The following KDM4B variants were observed in gnomAD, a reference collection of about 807,000 sequenced individuals.
KDM4B encodes the protein lysine demethylase 4B.
Under a neutral mutation model 125.2 loss-of-function variants are expected in KDM4B, and 32 were observed. That is an observed-to-expected ratio of 0.26 (90% CI 0.19 to 0.34). The LOEUF is 0.34. KDM4B is among the 10% of genes least tolerant of loss of function. The probability of loss-of-function intolerance (pLI) is 1.00; values close to 1 mark genes in which losing one functional copy is unlikely to be tolerated. For synonymous variants in KDM4B, 721 were observed against 677.9 expected (o/e 1.06, Z -0.99); for missense variants, 1,190 against 1,577.7 (o/e 0.75, Z 4.16).
chr19:5,029,915 C>G (rs1320886329), intron 2 of KDM4B, among the ~76,000 whole-genome samples: 1 of 152,210 alleles, frequency 6.6e-6, no homozygotes, highest in Non-Finnish European at 1.5e-5. Context: ...CTGAGAGTGG[C>G]TCCCGGTGTC....
Position 5,133,876 on chromosome 19 carries a change from C to T in KDM4B, c.1907-7C>T, listed in dbSNP as rs771338986. 7 of 1,612,362 alleles carry T rather than the reference C, an allele frequency of 4.3e-6. No homozygotes were observed. The highest frequency in any genetic ancestry group is 1.7e-5 in the Admixed American group (1 of 59,918). On this transcript the variant is annotated splice_region_variant and splice_polypyrimidine_tract_variant and intron_variant, in intron 13 of 22. Transcript: ENST00000159111. ...TGTCTCTCTCCCTCTCCCCTCTGTT[C>T]TTCTAGAGGCATCCCCTTTCTCCGG...
At chr19:5,143,318 CA>C (rs11373969) in intron 18 of KDM4B, among the ~76,000 whole-genome samples, 10 of 144,268 alleles carry the variant, frequency 6.9e-5, no homozygotes, top group Non-Finnish European at 7.6e-5. Context: ...CACCCAGGCT[CA>C]AAAAAAAAAA....
rs893015933 is a variant in KDM4B at position 5,022,640 on chromosome 19, A to G, written c.-26+6301A>G. Among the ~76,000 whole-genome samples, 11 of 152,054 alleles carry G rather than the reference A, an allele frequency of 7.2e-5. No homozygotes were observed. The South Asian group carries it at 2.3e-3, about 32-fold the overall frequency. On this transcript the variant is annotated intron_variant, in intron 2 of 22. Coordinates refer to ENST00000159111, the MANE Select transcript of KDM4B (RefSeq NM_015015.3). ...GATGGTCCCGGGAGTTAGCTCTGTGACCATGCGCGGCTGTTCCTGCTCCAC... is the reference window on the plus strand; with the variant it reads ...GATGGTCCCGGGAGTTAGCTCTGTGGCCATGCGCGGCTGTTCCTGCTCCAC...
At chr19:5,104,080 G>A (rs924047279) in intron 9 of KDM4B, among the ~76,000 whole-genome samples, 6 of 152,210 alleles carry the variant, frequency 3.9e-5, no homozygotes, top group Non-Finnish European at 5.9e-5. Flanking sequence ...GTGTCCTGTG[G>A]CTGCTGGGTG....
At chr19:5,077,153 G>A in intron 7 of KDM4B, 1 of 590,332 alleles carries the variant, frequency 1.7e-6, no homozygotes, top group South Asian at 2.0e-5. Flanking sequence ...AGAGCTCACA[G>A]CAGGGCACTA....
intron 1 of KDM4B, among the ~76,000 whole-genome samples, chr19:4,974,555 A>G (rs1006684806): frequency 6.6e-6 from 1 of 151,444 alleles, no homozygotes; most frequent in Non-Finnish European, 1.5e-5. Context: ...CCTGGCCAAC[A>G]TAGTGAAATC....
chr19:5,090,236 G>A (rs1207963587), intron 9 of KDM4B, among the ~76,000 whole-genome samples: 2 of 152,068 alleles, frequency 1.3e-5, no homozygotes, highest in Non-Finnish European at 2.9e-5. Context: ...TGCCTCCCTA[G>A]CCACACACCT....
At chr19:5,131,769 A>T (rs2039560828) in intron 12 of KDM4B, 118 bp from the exon 13 acceptor site, 2 of 1,288,692 alleles carry the variant, frequency 1.6e-6, no homozygotes, top group Admixed American at 2.1e-5. Flanking sequence ...TTGCTGGGAC[A>T]GTCACCCCAG....
intron 6 of KDM4B, among the ~76,000 whole-genome samples, chr19:5,051,576 C>CTCCA (rs1180774247): frequency 6.6e-6 from 1 of 152,240 alleles, no homozygotes; most frequent in Non-Finnish European, 1.5e-5. Flanking sequence ...CTTGCACTGG[C>CTCCA]TCCAAGGCGG....
At chr19:5,000,755 T>G (rs1168788841) in intron 1 of KDM4B, among the ~76,000 whole-genome samples, 1 of 152,214 alleles carries the variant, frequency 6.6e-6, no homozygotes, top group Non-Finnish European at 1.5e-5. Context: ...TTTACTTGTT[T>G]TTGTTTGTGT....
intron 21 of KDM4B, among the ~76,000 whole-genome samples, chr19:5,146,105 C>T (rs1484083070): frequency 6.8e-6 from 1 of 147,622 alleles, no homozygotes; most frequent in Non-Finnish European, 1.5e-5. Context: ...CCAGGACCCC[C>T]ACCCCCGGCC....
intron 11 of KDM4B, among the ~76,000 whole-genome samples, chr19:5,127,220 C>T (rs1466206955): frequency 6.6e-6 from 1 of 152,192 alleles, no homozygotes; most frequent in East Asian, 1.9e-4. Context: ...CACCCGCTTC[C>T]CTCCCTCAGG....
At chr19:5,059,100 G>A (rs1046964803) in intron 6 of KDM4B, among the ~76,000 whole-genome samples, 10 of 152,188 alleles carry the variant, frequency 6.6e-5, no homozygotes, top group East Asian at 3.8e-4. Context: ...CCCAGTCTAC[G>A]TAGGCATTAG....
chr19:5,012,932 G>A (rs1261265420), intron 1 of KDM4B, among the ~76,000 whole-genome samples: 1 of 152,194 alleles, frequency 6.6e-6, no homozygotes, highest in East Asian at 1.9e-4. Context: ...CCAACCCCTC[G>A]TCTTCCCTCC....
chr19:4,996,838 G>T (rs2035217542), intron 1 of KDM4B, among the ~76,000 whole-genome samples: 2 of 152,156 alleles, frequency 1.3e-5, no homozygotes, highest in South Asian at 4.1e-4. Flanking sequence ...CTCAAATTCG[G>T]CACTCTTGCT....
At chr19:5,092,336 A>G (rs1369106272) in intron 9 of KDM4B, among the ~76,000 whole-genome samples, 3 of 152,158 alleles carry the variant, frequency 2.0e-5, no homozygotes, top group African/African-American at 7.2e-5. Context: ...CAACCACAAC[A>G]TCGGCAGGCA....
At chr19:4,973,170 A>G (rs1205186930) in intron 1 of KDM4B, among the ~76,000 whole-genome samples, 1 of 152,190 alleles carries the variant, frequency 6.6e-6, no homozygotes, top group African/African-American at 2.4e-5. Flanking sequence ...GTGGAACGTT[A>G]ATGTGCTAGT....
intron 1 of KDM4B, among the ~76,000 whole-genome samples, chr19:5,014,878 C>A (rs263051): frequency 6.6e-6 from 1 of 152,048 alleles, no homozygotes; most frequent in East Asian, 2.0e-4. Context: ...GCCTGTAGTC[C>A]CAGCTATTCG....
intron 9 of KDM4B, among the ~76,000 whole-genome samples, chr19:5,087,962 T>C (rs1208307492): frequency 6.6e-6 from 1 of 152,198 alleles, no homozygotes; most frequent in Non-Finnish European, 1.5e-5. Context: ...TTAAGTCTCC[T>C]GTGTAGGAAT....
Sources: allele counts gnomAD v4.1 joint callset (sites outside exome capture counted in the v4.1 genomes callset), GRCh38; gene constraint gnomAD v4.1.1; transcripts MANE v1.5; gene names NCBI Gene and HGNC (gene_info 2026-07-23, HGNC 2026-07-21).